The following MFSD1 variants were observed in gnomAD, a reference collection of about 807,000 sequenced individuals.
MFSD1 encodes the protein major facilitator superfamily domain containing 1.
MFSD1 carries 59 observed loss-of-function variants against 67.1 expected under a neutral mutation model. The ratio of observed to expected loss-of-function variants is 0.88; its 90% CI spans 0.71 to 1.09. The LOEUF (loss-of-function observed/expected upper bound fraction) is 1.09. MFSD1 is among the 50% of genes least tolerant of loss of function. MFSD1 has a pLI of 0.00. For missense variants in MFSD1, 552 were observed against 566.1 expected, an observed-to-expected ratio of 0.97 and a Z score of 0.25; for synonymous variants, 213 against 200.3, an observed-to-expected ratio of 1.06 and a Z score of -0.54.
At chr3:158,821,941 CTG>C (rs1201871481) in intron 10 of MFSD1, 41 bp from the exon 11 acceptor site, 8 of 1,577,540 alleles carry the variant, frequency 5.1e-6, no homozygotes, top group Admixed American at 1.7e-5. Context: ...TGATGTTTGA[CTG>C]TGTTGCATTT....
chr3:158,811,942 A>G (rs923707520), intron 6 of MFSD1, among the ~76,000 whole-genome samples: 1 of 152,244 alleles, frequency 6.6e-6, no homozygotes, highest in East Asian at 1.9e-4. Flanking sequence ...TACCTATTAA[A>G]TAACTATTTA....
intron 8 of MFSD1, among the ~76,000 whole-genome samples, chr3:158,819,969 G>T (rs998240340): frequency 1.3e-5 from 2 of 152,008 alleles, no homozygotes; most frequent in African/African-American, 4.8e-5. Context: ...TTGTATATTT[G>T]CAAAATGGTT....
chr3:158,809,162 T>A lies in MFSD1; in HGVS notation c.441-17T>A. The A allele has an allele frequency of 6.5e-7, 1 of 1,534,402 alleles. No homozygotes were observed. The highest frequency in any genetic ancestry group is 8.7e-7 in the Non-Finnish European group (1 of 1,144,224). ...AAAGTTGTGACTTCTGGTTTTTTTT[T>A]TTTTTTCTATTTTTAGGATTGGTGG... On this transcript the variant is annotated splice_polypyrimidine_tract_variant and intron_variant, in intron 5 of 15. Coordinates refer to ENST00000415822, the MANE Select transcript of MFSD1 (RefSeq NM_022736.4).
intron 7 of MFSD1, among the ~76,000 whole-genome samples, chr3:158,818,667 A>T (rs550064597): frequency 1.2e-4 from 19 of 152,224 alleles, no homozygotes; most frequent in Non-Finnish European, 2.2e-4. Context: ...ACAGCCTGGT[A>T]AAAGAAGACA....
intron 7 of MFSD1, among the ~76,000 whole-genome samples, chr3:158,816,908 A>T (rs1730384392): frequency 6.6e-6 from 1 of 150,704 alleles, no homozygotes; most frequent in African/African-American, 2.5e-5. Flanking sequence ...TAAATAGGGA[A>T]TCCTTTCCCC....
rs550445090 is a variant in MFSD1 at position 158,829,022 on chromosome 3, A to T, written c.*40A>T. ...TGTGTCATGAGAATGGGCTTAACAC[A>T]TCGTTGGTTTGAAAACTTCCATTTT... On this transcript the variant is annotated 3_prime_UTR_variant, in exon 16 of 16. Transcript: ENST00000415822. 2 of 1,577,332 alleles carry T rather than the reference A, an allele frequency of 1.3e-6. No individual in the cohort carries two copies. Among genetic ancestry groups the T allele is most frequent in the Non-Finnish European group, 1.7e-6 (2 of 1,163,344 alleles).
intron 15 of MFSD1, 77 bp from the exon 16 acceptor site, chr3:158,828,902 G>A: frequency 6.8e-7 from 1 of 1,470,548 alleles, no homozygotes; most frequent in Non-Finnish European, 9.3e-7. Context: ...TGTAATGCTT[G>A]GTTTTCATTT....
At chr3:158,821,695 G>T in intron 10 of MFSD1, 42 bp downstream of exon 10, 1 of 1,469,744 alleles carries the variant, frequency 6.8e-7, no homozygotes, top group African/African-American at 1.4e-5. Context: ...TGCATGTGAA[G>T]TATGGGTCTT....
At chr3:158,809,356 A>G in intron 6 of MFSD1, 69 bp downstream of exon 6, 1 of 1,018,288 alleles carries the variant, frequency 9.8e-7, no homozygotes, top group South Asian at 1.5e-5. Flanking sequence ...TTCTCTTAAA[A>G]ATCACAGGAT....
rs138136620 is a variant in MFSD1, at chr3:158,809,371, T to G, written c.549+84T>G. On this transcript the variant is annotated intron_variant, in intron 6 of 15. Transcript: ENST00000415822. Reference sequence around the variant, plus strand: ...TTCTCTTAAAAATCACAGGATGAAATGTATTTGTGTATGGTAAATTAGATA... The same window carrying G: ...TTCTCTTAAAAATCACAGGATGAAAGGTATTTGTGTATGGTAAATTAGATA... 1.0e-4 allele frequency: 86 copies of G among 848,192 alleles called. No homozygotes were observed. The East Asian group carries it at 2.1e-3, about 21-fold the overall frequency. 52.5% of individuals were successfully genotyped at this position (848,192 alleles called of 1,614,324 possible). A position where few individuals can be genotyped will look rare whatever the true frequency, so the allele number is the denominator to read the frequency against.
At chr3:158,802,390 G>A (rs1729502403) in intron 1 of MFSD1, 75 bp downstream of exon 1, 1 of 1,547,274 alleles carries the variant, frequency 6.5e-7, no homozygotes, top group South Asian at 1.1e-5. Flanking sequence ...TCGTCATCGT[G>A]GTCACTGGTG....
At chr3:158,820,432 T>A (rs1451265447) in intron 9 of MFSD1, 106 bp downstream of exon 9, 4 of 729,510 alleles carry the variant, frequency 5.5e-6, no homozygotes, top group African/African-American at 5.3e-5. Flanking sequence ...CTGGTTATAG[T>A]TTATATTTTC....
Position 158,802,213 on chromosome 3 carries a change from A to G in MFSD1, c.61A>G (p.Arg21Gly), listed in dbSNP as rs368238181. Residue 21 changes from arginine to glycine, a missense_variant, in exon 1 of 16, where the codon AGA becomes GGA. Transcript: ENST00000415822. Reference sequence around the variant, plus strand: ...GGCAGGCGGCCCTGACGAGGCCGACAGAGGTGCCCCGGCCGCCCCTGGAGC... The same window carrying G: ...GGCAGGCGGCCCTGACGAGGCCGACGGAGGTGCCCCGGCCGCCCCTGGAGC... ...LLAGGPDEAD[R>G]GAPAAPGALP... The G allele has an allele frequency of 1.3e-4, 203 of 1,610,820 alleles. No homozygotes were observed. The highest frequency in any genetic ancestry group is 1.6e-4 in the Non-Finnish European group (194 of 1,179,082).
At chr3:158,808,333 G>C (rs1459551479) in intron 5 of MFSD1, among the ~76,000 whole-genome samples, 4 of 152,136 alleles carry the variant, frequency 2.6e-5, no homozygotes, top group Non-Finnish European at 5.9e-5. Flanking sequence ...GGTGGCCTCG[G>C]TGTAAGGATA....
At chr3:158,814,150 G>C (rs1730188651) in intron 7 of MFSD1, 83 bp downstream of exon 7, 1 of 1,006,786 alleles carries the variant, frequency 9.9e-7, no homozygotes, top group Admixed American at 2.0e-5. Flanking sequence ...AGGCACACTG[G>C]AATTTGTATC....
chr3:158,813,975 TAA>T lies in MFSD1; in HGVS notation c.562_563del (p.Asn188HisfsTer10). On this transcript the variant is annotated frameshift_variant, in exon 7 of 16. Transcript: ENST00000415822. LOFTEE classifies it high-confidence loss of function. ...TCCCTTCTCATTTAGGGAAGTACAGTAAACATGAACCTCATGGGATGGCTGTA... is the reference window on the plus strand; with the variant it reads ...TCCCTTCTCATTTAGGGAAGTACAGTACATGAACCTCATGGGATGGCTGTA... The T allele has an allele frequency of 1.2e-6, 2 of 1,611,584 alleles. No homozygotes were observed. The highest frequency in any genetic ancestry group is 8.5e-7 in the Non-Finnish European group (1 of 1,178,134).
At chr3:158,802,563 C>G (rs770550577) in intron 1 of MFSD1, 135 of 698,744 alleles carry the variant, frequency 1.9e-4, no homozygotes, top group Non-Finnish European at 3.4e-5. Context: ...CTCCTTTGCT[C>G]TTCAGTAAGT....
rs146664940 is a variant in MFSD1, at chr3:158,824,070, T to C, written c.1176-54T>C. The C allele has an allele frequency of 6.7e-6, 8 of 1,196,950 alleles. No individual in the cohort carries two copies. In the East Asian group the frequency reaches 1.6e-4, roughly 24 times the overall value. 74.1% of individuals were successfully genotyped at this position (1,196,950 alleles called of 1,614,324 possible). ...TAATATTTATAGTGAAGTGTTAGCCTATGTGTGAAGACTTTTGAAAATGAA... is the reference window on the plus strand; with the variant it reads ...TAATATTTATAGTGAAGTGTTAGCCCATGTGTGAAGACTTTTGAAAATGAA... On this transcript the variant is annotated intron_variant, in intron 12 of 15. Coordinates refer to ENST00000415822, the MANE Select transcript of MFSD1 (RefSeq NM_022736.4).
intron 6 of MFSD1, among the ~76,000 whole-genome samples, chr3:158,809,791 C>T (rs1323399716): frequency 6.6e-6 from 1 of 152,182 alleles, no homozygotes; most frequent in Non-Finnish European, 1.5e-5. Flanking sequence ...CTCTGCTGTG[C>T]ATCAGCACTT....
Sources: allele counts gnomAD v4.1 joint callset (sites outside exome capture counted in the v4.1 genomes callset), GRCh38; gene constraint gnomAD v4.1.1; transcripts MANE v1.5; gene names NCBI Gene and HGNC (gene_info 2026-07-23, HGNC 2026-07-21).